Variants in ANO9 observed in about 807,000 individuals in gnomAD.
ANO9 encodes the protein anoctamin 9, also known as anoctamin-9.
Under a neutral mutation model 100.5 loss-of-function variants are expected in ANO9, and 80 were observed. That is an observed-to-expected ratio of 0.80 (90% confidence interval 0.66 to 0.96). The LOEUF (loss-of-function observed/expected upper bound fraction) is 0.96, where lower values mean the gene tolerates loss of function less well. Among genes scored for constraint, ANO9 ranks in the 40% least tolerant of loss-of-function variants. The pLI, the probability that ANO9 is intolerant of heterozygous loss-of-function variation, is 0.00. For synonymous variants in ANO9, 473 were observed against 435.6 expected, an observed-to-expected ratio of 1.09 and a Z score of -1.07; for missense variants, 1,064 against 1,072.7, an observed-to-expected ratio of 0.99 and a Z score of 0.11.
Position 430,078 on chromosome 11 carries a change from C to A in ANO9, c.771+5G>T. The A allele has an allele frequency of 6.5e-7, 1 of 1,549,836 alleles. No individual in the cohort carries two copies. The highest frequency in any genetic ancestry group is 8.7e-7 in the Non-Finnish European group (1 of 1,147,044). ...GGCCCTGGGGTGGACCCGGAGGCGA[C>A]AAACCTTGGCAAAAGTGCAGGTTTC... On this transcript the variant is annotated splice_donor_5th_base_variant and intron_variant, in intron 9 of 22. Transcript: ENST00000332826.
intron 1 of ANO9, 79 bp downstream of exon 1, chr11:441,842 G>A: frequency 1.3e-6 from 2 of 1,550,376 alleles, no homozygotes; most frequent in Non-Finnish European, 1.7e-6. Flanking sequence ...GGGCTGGCGG[G>A]GGGCTGGGGC....
At chr11:427,687 G>A (rs1022616758) in intron 15 of ANO9, among the ~76,000 whole-genome samples, 6 of 152,060 alleles carry the variant, frequency 3.9e-5, no homozygotes, top group South Asian at 2.1e-4. Context: ...CCAGCCTGGC[G>A]ACAGCAAGAC....
chr11:418,474 T>C lies in ANO9; in HGVS notation c.2246A>G (p.His749Arg). Reference protein sequence around the residue: ...KYQRLREKMWHGRQRLGGVGA... With the variant: ...KYQRLREKMWRGRQRLGGVGA... ...CACCCCACCCAGCCTCTGCCTTCCA[T>C]GCCACATCTTCTCACGCAGCCTCTG... Residue 749 changes from histidine (H) to arginine (R), a missense_variant, in exon 23 of 23, where the codon CAT becomes CGT. Physicochemically the swap from His to Arg is conservative, Grantham distance 29. Coordinates refer to ENST00000332826, the MANE Select transcript of ANO9 (RefSeq NM_001012302.3). 1.9e-6 allele frequency: 3 copies of C among 1,613,102 alleles called. No individual in the cohort carries two copies. Among genetic ancestry groups the C allele is most frequent in the Non-Finnish European group, 2.5e-6 (3 of 1,180,006 alleles).
At position 432,057 on chromosome 11, in the gene ANO9, CAA is replaced by C. The variant is rs774901351; in HGVS notation, c.351-5_351-4del. The C allele has an allele frequency of 1.2e-6, 2 of 1,612,818 alleles. No individual in the cohort carries two copies. Among genetic ancestry groups the C allele is most frequent in the South Asian group, 1.1e-5 (1 of 91,078 alleles). ...AGTTCACGATTCGGATTCTGAGACT[CAA>C]GAGCCAGAGCAGGGTGGCCCCGTGT... On this transcript the variant is annotated splice_region_variant and splice_polypyrimidine_tract_variant and intron_variant, in intron 4 of 22. Coordinates refer to ENST00000332826, the MANE Select transcript of ANO9 (RefSeq NM_001012302.3). This position sits in a 1 kb window ranked among gnomAD's most constrained non-coding sequence, Gnocchi z 4.8.
intron 9 of ANO9, 114 bp downstream of exon 9, chr11:429,968 CT>C: frequency 7.2e-7 from 1 of 1,382,198 alleles, no homozygotes; most frequent in Non-Finnish European, 1.0e-6. Context: ...CCCGTCAGCC[CT>C]GTGGGGAAAG....
intron 4 of ANO9, 147 bp downstream of exon 4, chr11:433,167 C>G: frequency 8.9e-7 from 1 of 1,119,952 alleles, no homozygotes; most frequent in South Asian, 1.8e-5. Flanking sequence ...GCCAGTGGGT[C>G]TCACACCTGT....
intron 20 of ANO9, 151 bp from the exon 21 acceptor site, chr11:419,140 A>G: frequency 6.8e-7 from 1 of 1,464,556 alleles, no homozygotes. Context: ...TCCCGGGCCA[A>G]GCACATCTTC....
At chr11:439,608 G>A (rs538328441) in intron 1 of ANO9, among the ~76,000 whole-genome samples, 4 of 152,350 alleles carry the variant, frequency 2.6e-5, no homozygotes, top group Non-Finnish European at 4.4e-5. Context: ...CTGAGGTCAC[G>A]TCAAGCCTCT....
intron 1 of ANO9, among the ~76,000 whole-genome samples, chr11:435,688 A>AGTCTAGTCTAGTCTAGTATG (rs1849458413): frequency 2.3e-4 from 6 of 26,476 alleles, no homozygotes; most frequent in Non-Finnish European, 3.8e-4. Context: ...AGTATGGTCT[A>AGTCTAGTCTAGTCTAGTATG]GTCTAGTCTA....
intron 1 of ANO9, among the ~76,000 whole-genome samples, chr11:437,871 C>T (rs1845485730): frequency 6.6e-6 from 1 of 152,226 alleles, no homozygotes; most frequent in African/African-American, 2.4e-5. Context: ...GCTCCTCTGG[C>T]AGAGGCTGAA....
Position 428,833 on chromosome 11 carries a change from A to G in ANO9, c.916-7T>C. 6.2e-7 allele frequency: 1 copy of G among 1,612,542 alleles called. No individual in the cohort carries two copies. Among genetic ancestry groups the G allele is most frequent in the Non-Finnish European group, 8.5e-7 (1 of 1,179,672 alleles). The stretch of plus-strand genomic sequence containing the variant: ...GCTGAAGTGCCATTTCCTCCTGGGG[A>G]GAGCACCGGGCAAGCCTCAGACAAG... On this transcript the variant is annotated splice_region_variant and splice_polypyrimidine_tract_variant and intron_variant, in intron 11 of 22. Transcript: ENST00000332826.
chr11:429,414 A>G lies in ANO9; in HGVS notation c.915+156T>C, dbSNP rs538999024. The G allele has an allele frequency of 6.7e-5, 98 of 1,463,234 alleles. 1 individual carries two copies. The East Asian group carries it at 1.7e-3, about 25-fold the overall frequency. The allele number at this position is 1,463,234 out of a possible 1,614,324, so 90.6% of individuals were successfully genotyped here. A position where few individuals can be genotyped will look rare whatever the true frequency, so the allele number is the denominator to read the frequency against. On this transcript the variant is annotated intron_variant, in intron 11 of 22. Coordinates refer to ENST00000332826, the MANE Select transcript of ANO9 (RefSeq NM_001012302.3). ...GGAGACAGACACAGGGACACGCCTC[A>G]CAGGTGGACAGACCAGGACACACGC...
chr11:428,512 G>A lies in ANO9; in HGVS notation c.1148C>T (p.Ala383Val). 6.2e-7 allele frequency: 1 copy of A among 1,612,686 alleles called. No homozygotes were observed. Among genetic ancestry groups the A allele is most frequent in the Non-Finnish European group, 8.5e-7 (1 of 1,179,900 alleles). Residue 383 changes from alanine to valine, a missense_variant, in exon 13 of 23, where the codon GCT (alanine) becomes GTT (valine). Physicochemically the swap from Ala to Val is moderately conservative, Grantham distance 64. Transcript: ENST00000332826. ...GATGATGGTCACATAGTGCACCAGAGCCCCGGTCACCACCACGGCCGTGGT... is the reference window on the plus strand; with the variant it reads ...GATGATGGTCACATAGTGCACCAGAACCCCGGTCACCACCACGGCCGTGGT... Reference protein sequence around the residue: ...QVTTAVVVTGALVHYVTIIIM... With the variant: ...QVTTAVVVTGVLVHYVTIIIM...
At chr11:441,597 A>T (rs1379348656) in intron 1 of ANO9, among the ~76,000 whole-genome samples, 1 of 151,954 alleles carries the variant, frequency 6.6e-6, no homozygotes, top group Non-Finnish European at 1.5e-5. Flanking sequence ...GGCCCTCTCC[A>T]TCTCGTGTTC....
chr11:423,120 A>G (rs1405663021), intron 15 of ANO9, among the ~76,000 whole-genome samples: 1 of 152,136 alleles, frequency 6.6e-6, no homozygotes, highest in African/African-American at 2.4e-5. Flanking sequence ...GAGCCACCAC[A>G]CCCAGCTAGT....
At chr11:435,960 C>T (rs943842672) in intron 1 of ANO9, among the ~76,000 whole-genome samples, 2 of 150,396 alleles carry the variant, frequency 1.3e-5, no homozygotes, top group South Asian at 4.2e-4. Flanking sequence ...CATAGATGCC[C>T]CAGTGATTGC....
At chr11:436,944 TGA>T (rs1849636870) in intron 1 of ANO9, among the ~76,000 whole-genome samples, 1 of 24,358 alleles carries the variant, frequency 4.1e-5, no homozygotes, top group Non-Finnish European at 6.5e-5. Context: ...GAGCAGGGGG[TGA>T]GCAGGGGGTG....
intron 19 of ANO9, chr11:420,116 C>G (rs900820386): frequency 2.1e-5 from 28 of 1,327,966 alleles, no homozygotes; most frequent in African/African-American, 1.9e-4. Context: ...TCCCGTCGCT[C>G]CCCTGCTGCC....
chr11:418,887 C>A lies in ANO9; in HGVS notation c.2036+1G>T, dbSNP rs1848004027. On this transcript the variant is annotated splice_donor_variant, in intron 21 of 22. Transcript: ENST00000332826. LOFTEE classifies it high-confidence loss of function. ...TTCTTGGGGGATGGGGAGTTCCAAA[C>A]CTGCACAGAGTCACGTTTTCTGAGC... 2 of 1,613,526 alleles carry A rather than the reference C, an allele frequency of 1.2e-6. No individual in the cohort carries two copies. Among genetic ancestry groups the A allele is most frequent in the Admixed American group, 3.3e-5 (2 of 60,000 alleles).
Sources: allele counts gnomAD v4.1 joint callset (sites outside exome capture counted in the v4.1 genomes callset), GRCh38; gene constraint gnomAD v4.1.1; non-coding constraint Gnocchi (gnomAD v3.1); transcripts MANE v1.5; gene names NCBI Gene and HGNC (gene_info 2026-07-23, HGNC 2026-07-21).